The following NLGN4X variants were observed in gnomAD, a reference collection of about 807,000 sequenced individuals.
The protein encoded by NLGN4X is neuroligin-4, X-linked.
NLGN4X carries 3 observed loss-of-function variants against 40.3 expected under a neutral mutation model. The ratio of observed to expected loss-of-function variants is 0.07; its 90% CI spans 0.03 to 0.19. The LOEUF (loss-of-function observed/expected upper bound fraction) is 0.19, where lower values mean the gene tolerates loss of function less well. Among genes scored for constraint, NLGN4X ranks in the 10% least tolerant of loss-of-function variants. NLGN4X has a pLI of 1.00. For synonymous variants in NLGN4X, 270 were observed against 306.8 expected (o/e 0.88, Z 1.25); for missense variants, 382 against 708.3 (o/e 0.54, Z 5.23).
In NLGN4X at chrX:6,066,140, G is replaced by C. The variant is rs181725614; in HGVS notation, c.473-36708C>G. On this transcript the variant is annotated intron_variant, in intron 2 of 5. Transcript: ENST00000381095. ...TATGAGGCTCCCCCTTGACATGCAG[G>C]ATTGTTCTGCTCAGAGGGCAAAACC... Among the ~76,000 whole-genome samples, 24 of 112,120 alleles carry C rather than the reference G, an allele frequency of 2.1e-4. No homozygotes were observed. The East Asian group carries it at 5.0e-3, about 24-fold the overall frequency.
intron 1 of NLGN4X, among the ~76,000 whole-genome samples, chrX:6,196,752 G>A (rs1217839332): frequency 9.1e-6 from 1 of 109,621 alleles, no homozygotes; most frequent in Non-Finnish European, 1.9e-5. Flanking sequence ...GGGGTCCCTG[G>A]TCTCTATCCT....
intron 1 of NLGN4X, among the ~76,000 whole-genome samples, chrX:6,193,210 A>G (rs950349386): frequency 2.7e-5 from 3 of 110,844 alleles, no homozygotes; most frequent in African/African-American, 6.6e-5. Flanking sequence ...TCACGAGGTC[A>G]GGAGATCGAG....
intron 1 of NLGN4X, among the ~76,000 whole-genome samples, chrX:6,224,935 A>T (rs771207874): frequency 1.3e-3 from 122 of 95,163 alleles, no homozygotes; most frequent in Middle Eastern, 0.011. Context: ...ACTGGCCCTG[A>T]TTATGTTCTT....
chrX:6,115,047 A>G (rs1330576405), intron 2 of NLGN4X, among the ~76,000 whole-genome samples: 1 of 112,484 alleles, frequency 8.9e-6, no homozygotes, highest in Non-Finnish European at 1.9e-5. Flanking sequence ...AGAAAAAACA[A>G]TAATAATTTA....
intron 1 of NLGN4X, among the ~76,000 whole-genome samples, chrX:6,172,785 A>G (rs945683869): frequency 2.7e-5 from 3 of 112,074 alleles, no homozygotes; most frequent in Non-Finnish European, 5.6e-5. Context: ...AGGTGAACAT[A>G]TTGTACAGTA....
At position 6,151,780 on chromosome X, in the gene NLGN4X, G is replaced by A. The variant is rs2040170819; in HGVS notation, c.-305-9C>T. ...GAAAACTCCAAGGCAGCCTAAAAGA[G>A]GAAGAAAGCAGACAAGAATAATGAA... On this transcript the variant is annotated splice_polypyrimidine_tract_variant and intron_variant, in intron 1 of 5. Coordinates refer to ENST00000381095, the MANE Select transcript of NLGN4X (RefSeq NM_181332.3). The A allele has an allele frequency of 3.0e-6, 1 of 332,627 alleles. No homozygotes were observed. The highest frequency in any genetic ancestry group is 4.7e-5 in the Admixed American group (1 of 21,096). The allele number at this position is 332,627 out of a possible 1,213,427, so 27.4% of individuals were successfully genotyped here. A position where few individuals can be genotyped will look rare whatever the true frequency, so the allele number is the denominator to read the frequency against.
chrX:5,925,903 T>C (rs866603000), intron 3 of NLGN4X, among the ~76,000 whole-genome samples: 16 of 38,999 alleles, frequency 4.1e-4, no homozygotes, highest in Admixed American at 8.7e-4. Flanking sequence ...TATATATATA[T>C]ATATATATAT....
intron 3 of NLGN4X, among the ~76,000 whole-genome samples, chrX:5,948,598 C>T (rs2034208530): frequency 9.0e-6 from 1 of 111,626 alleles, no homozygotes; most frequent in African/African-American, 3.3e-5. Flanking sequence ...ATTCCATTTC[C>T]CCAGCCTCCA....
chrX:6,151,600 A>G lies in NLGN4X; in HGVS notation c.-134T>C. 1 of 545,723 alleles carries G rather than the reference A, an allele frequency of 1.8e-6. No homozygotes were observed. The highest frequency in any genetic ancestry group is 2.3e-5 in the African/African-American group (1 of 44,204). 45.0% of individuals were successfully genotyped at this position (545,723 alleles called of 1,213,427 possible). On this transcript the variant is annotated 5_prime_UTR_variant, in exon 2 of 6. Coordinates refer to ENST00000381095, the MANE Select transcript of NLGN4X (RefSeq NM_181332.3). Reference sequence around the variant, plus strand: ...CCTGGGAGAGACTCTCAGACTGATCACAGACAGAGCCTGAGGTTAAGAACA... The same window carrying G: ...CCTGGGAGAGACTCTCAGACTGATCGCAGACAGAGCCTGAGGTTAAGAACA...
chrX:5,987,658 T>C (rs1602011991), intron 3 of NLGN4X, among the ~76,000 whole-genome samples: 2 of 112,651 alleles, frequency 1.8e-5, no homozygotes, highest in Admixed American at 1.9e-4. Flanking sequence ...TTTCTAATGG[T>C]TGTCTTTATA....
At chrX:6,003,491 C>T (rs999295849) in intron 3 of NLGN4X, among the ~76,000 whole-genome samples, 1 of 111,954 alleles carries the variant, frequency 8.9e-6, no homozygotes, top group African/African-American at 3.2e-5. Flanking sequence ...TTACAGAGAA[C>T]AGGAATCTAT....
chrX:6,032,234 C>G (rs201876867), intron 2 of NLGN4X, among the ~76,000 whole-genome samples: 2,488 of 94,271 alleles, frequency 0.026, 80 homozygotes, highest in East Asian at 0.17. Context: ...AGCCCCCCCC[C>G]CCCCAAAAAA....
intron 3 of NLGN4X, among the ~76,000 whole-genome samples, chrX:5,982,175 G>A (rs1242904934): frequency 2.7e-5 from 3 of 111,661 alleles, no homozygotes; most frequent in South Asian, 3.7e-4. Flanking sequence ...AGAAACTTGC[G>A]AATAAACAAG....
At chrX:5,936,661 C>T (rs988117957) in intron 3 of NLGN4X, among the ~76,000 whole-genome samples, 10 of 111,956 alleles carry the variant, frequency 8.9e-5, no homozygotes, top group Admixed American at 7.6e-4. Flanking sequence ...ATAGTAATTA[C>T]TCAAATTGCA....
intron 3 of NLGN4X, among the ~76,000 whole-genome samples, chrX:5,964,026 G>A (rs771232354): frequency 8.9e-6 from 1 of 112,124 alleles, no homozygotes; most frequent in Non-Finnish European, 1.9e-5. Context: ...TGAGAGTTAA[G>A]AGAAAGGATG....
At chrX:6,039,857 A>G (rs1197770968) in intron 2 of NLGN4X, among the ~76,000 whole-genome samples, 4 of 111,920 alleles carry the variant, frequency 3.6e-5, no homozygotes, top group African/African-American at 1.3e-4. Flanking sequence ...CCTCTTTTTG[A>G]GCATGTAAAA....
intron 1 of NLGN4X, among the ~76,000 whole-genome samples, chrX:6,175,655 G>GA (rs3045369): frequency 0.11 from 6,677 of 60,904 alleles, 403 homozygotes; most frequent in East Asian, 0.23. Context: ...ATCTATTACA[G>GA]AAAAAAAAAA....
At chrX:6,160,269 T>C (rs934021392) in intron 1 of NLGN4X, among the ~76,000 whole-genome samples, 4 of 111,779 alleles carry the variant, frequency 3.6e-5, no homozygotes, top group African/African-American at 1.3e-4. Flanking sequence ...CACAAATATA[T>C]ACACCTACTA....
At chrX:5,900,468 T>C (rs1279294870) in intron 5 of NLGN4X, among the ~76,000 whole-genome samples, 1 of 109,451 alleles carries the variant, frequency 9.1e-6, no homozygotes, top group Non-Finnish European at 1.9e-5. Context: ...TGGAGGGAAC[T>C]TGGCCCTGCA....
Sources: allele counts gnomAD v4.1 joint callset (sites outside exome capture counted in the v4.1 genomes callset), GRCh38; gene constraint gnomAD v4.1.1; transcripts MANE v1.5; gene names NCBI Gene and HGNC (gene_info 2026-07-23, HGNC 2026-07-21).